ZNF804A: variants seen among roughly 807,000 people sequenced by gnomAD.
The protein encoded by ZNF804A is zinc finger protein 804A.
Under a neutral mutation model 16.5 loss-of-function variants are expected in ZNF804A, and 2 were observed. That is an observed-to-expected ratio of 0.12 (90% confidence interval 0.05 to 0.38). The LOEUF is 0.38. ZNF804A is among the 10% of genes least tolerant of loss of function. The pLI, the probability that ZNF804A is intolerant of heterozygous loss-of-function variation, is 0.99. For synonymous variants in ZNF804A, 534 were observed against 489.6 expected, an observed-to-expected ratio of 1.09 and a Z score of -1.20; for missense variants, 1,473 against 1,390.7, an observed-to-expected ratio of 1.06 and a Z score of -0.94.
rs549913629 is a variant in ZNF804A, at chr2:184,823,906, A to G, written c.112-42463A>G. On this transcript the variant is annotated intron_variant, in intron 1 of 3. Transcript: ENST00000302277. ...TTCATATAAATTGCCTTTAAATCTTATATCAAAAATACTAAAGAGCATAAC... is the reference window on the plus strand; with the variant it reads ...TTCATATAAATTGCCTTTAAATCTTGTATCAAAAATACTAAAGAGCATAAC... Among the ~76,000 whole-genome samples the G allele has an allele frequency of 7.9e-5, 12 of 152,330 alleles. 1 individual carries two copies. In the South Asian group the frequency reaches 1.7e-3, roughly 21 times the overall value.
chr2:184,705,079 A>C (rs936916719), intron 1 of ZNF804A, among the ~76,000 whole-genome samples: 1 of 152,208 alleles, frequency 6.6e-6, no homozygotes, highest in African/African-American at 2.4e-5. Context: ...CACCTGTTTG[A>C]GGTTAATCAG....
intron 2 of ZNF804A, among the ~76,000 whole-genome samples, chr2:184,897,307 A>G (rs1241447967): frequency 6.6e-6 from 1 of 152,024 alleles, no homozygotes; most frequent in Admixed American, 6.6e-5. Flanking sequence ...GTGTGTCAGG[A>G]TTCCCCAGTG....
In ZNF804A at chr2:184,936,585, G is replaced by C. The variant is rs749835146; in HGVS notation, c.1189G>C (p.Glu397Gln). ...TGAGGTTGAAAATAAAAATGGTCCCGAGACATTGGCCCCTTCAAATACTGA... is the reference window on the plus strand; with the variant it reads ...TGAGGTTGAAAATAAAAATGGTCCCCAGACATTGGCCCCTTCAAATACTGA... ...TTEVENKNGP[E>Q]TLAPSNTEEV... Residue 397 changes from glutamate (E) to glutamine (Q), a missense_variant, in exon 4 of 4, where the codon GAG becomes CAG. Glu to Gln is a conservative substitution (Grantham distance 29, BLOSUM62 2). Coordinates refer to ENST00000302277, the MANE Select transcript of ZNF804A (RefSeq NM_194250.2). 4 of 1,613,810 alleles carry C rather than the reference G, an allele frequency of 2.5e-6. No homozygotes were observed. The Admixed American group carries it at 5.0e-5, about 20-fold the overall frequency.
intron 1 of ZNF804A, among the ~76,000 whole-genome samples, chr2:184,618,467 T>C (rs1280388700): frequency 6.6e-6 from 1 of 152,132 alleles, no homozygotes; most frequent in African/African-American, 2.4e-5. Context: ...GATTATTTAA[T>C]AAAAGATATG....
At chr2:184,615,865 C>G (rs1255481373) in intron 1 of ZNF804A, among the ~76,000 whole-genome samples, 1 of 152,090 alleles carries the variant, frequency 6.6e-6, no homozygotes, top group Non-Finnish European at 1.5e-5. Context: ...GGAGTCCCAG[C>G]GAGTCTTCAG....
At chr2:184,840,242 T>A (rs1695415480) in intron 1 of ZNF804A, among the ~76,000 whole-genome samples, 1 of 152,032 alleles carries the variant, frequency 6.6e-6, no homozygotes, top group Admixed American at 6.6e-5. Flanking sequence ...ACACAAAAAT[T>A]ACCTGGACAT....
intron 1 of ZNF804A, among the ~76,000 whole-genome samples, chr2:184,708,218 T>C (rs1693062653): frequency 1.3e-5 from 2 of 152,146 alleles, no homozygotes; most frequent in African/African-American, 4.8e-5. Context: ...TTCTGTAGGT[T>C]GTCTGTTTAC....
intron 1 of ZNF804A, among the ~76,000 whole-genome samples, chr2:184,604,136 A>ACTG (rs1691096169): frequency 7.8e-6 from 1 of 129,012 alleles, no homozygotes; most frequent in Non-Finnish European, 1.6e-5. Flanking sequence ...GTTATGGATG[A>ACTG]CTGCAATTAC....
intron 2 of ZNF804A, among the ~76,000 whole-genome samples, chr2:184,876,083 C>T (rs1684668317): frequency 6.6e-6 from 1 of 152,186 alleles, no homozygotes; most frequent in Non-Finnish European, 1.5e-5. Context: ...AGATTCCTTG[C>T]TTTGCAGCAT....
chr2:184,870,932 T>C (rs1276103917), intron 2 of ZNF804A, among the ~76,000 whole-genome samples: 1 of 151,878 alleles, frequency 6.6e-6, no homozygotes, highest in Non-Finnish European at 1.5e-5. Flanking sequence ...ATGCACTCTA[T>C]AAAATTCTTC....
At chr2:184,632,478 C>T (rs1691629316) in intron 1 of ZNF804A, among the ~76,000 whole-genome samples, 1 of 152,174 alleles carries the variant, frequency 6.6e-6, no homozygotes, top group Non-Finnish European at 1.5e-5. Flanking sequence ...TTACTGCAAG[C>T]TCCGTCTCCT....
chr2:184,686,741 G>A (rs577373803), intron 1 of ZNF804A, among the ~76,000 whole-genome samples: 10 of 152,232 alleles, frequency 6.6e-5, no homozygotes, highest in South Asian at 2.1e-4. Context: ...TCATCCTGAC[G>A]TGTGAAAAGT....
chr2:184,804,956 A>G (rs1694780830), intron 1 of ZNF804A, among the ~76,000 whole-genome samples: 1 of 152,314 alleles, frequency 6.6e-6, no homozygotes, highest in Admixed American at 6.5e-5. Context: ...TCATATTTCT[A>G]TGTATACCCG....
At chr2:184,695,808 C>A (rs540945616) in intron 1 of ZNF804A, among the ~76,000 whole-genome samples, 7 of 152,056 alleles carry the variant, frequency 4.6e-5, no homozygotes, top group African/African-American at 1.7e-4. Context: ...TCATTTCTTT[C>A]TCTTTTAGGA....
chr2:184,760,114 A>G (rs1475667075), intron 1 of ZNF804A, among the ~76,000 whole-genome samples: 1 of 151,998 alleles, frequency 6.6e-6, no homozygotes, highest in Non-Finnish European at 1.5e-5. Flanking sequence ...GGAACAGGCC[A>G]TTTTCACTTC....
chr2:184,843,892 A>G (rs550808852), intron 1 of ZNF804A, among the ~76,000 whole-genome samples: 265 of 152,220 alleles, frequency 1.7e-3, no homozygotes, highest in Non-Finnish European at 3.0e-3. Flanking sequence ...TTATTGGTAT[A>G]GTTGGAGTAA....
chr2:184,813,488 G>A (rs1694930904), intron 1 of ZNF804A, among the ~76,000 whole-genome samples: 1 of 152,050 alleles, frequency 6.6e-6, no homozygotes, highest in African/African-American at 2.4e-5. Context: ...GACAAATATT[G>A]GTTGAGATTC....
intron 2 of ZNF804A, among the ~76,000 whole-genome samples, chr2:184,867,685 C>T (rs1695895395): frequency 6.6e-6 from 1 of 152,058 alleles, no homozygotes; most frequent in African/African-American, 2.4e-5. Flanking sequence ...CCTTTTCTTA[C>T]ATAAAAATAC....
In ZNF804A at chr2:184,936,319, T is replaced by C. The variant is rs1685785007; in HGVS notation, c.923T>C (p.Leu308Ser). Reference protein sequence around the residue: ...EVSSEKDALLLPSFCKFQLQL... With the variant: ...EVSSEKDALLSPSFCKFQLQL... ...TCTAGTGAAAAAGATGCATTATTATTACCTTCATTTTGCAAGTTTCAACTT... is the reference window on the plus strand; with the variant it reads ...TCTAGTGAAAAAGATGCATTATTATCACCTTCATTTTGCAAGTTTCAACTT... Residue 308 changes from leucine (L) to serine (S), a missense_variant, in exon 4 of 4, where the codon TTA becomes TCA. Physicochemically the swap from Leu to Ser is moderately radical, Grantham distance 145. Coordinates refer to ENST00000302277, the MANE Select transcript of ZNF804A (RefSeq NM_194250.2). The C allele has an allele frequency of 6.2e-7, 1 of 1,613,688 alleles. No homozygotes were observed. The highest frequency in any genetic ancestry group is 1.7e-5 in the Admixed American group (1 of 59,926).
Sources: allele counts gnomAD v4.1 joint callset (sites outside exome capture counted in the v4.1 genomes callset), GRCh38; gene constraint gnomAD v4.1.1; transcripts MANE v1.5; gene names NCBI Gene and HGNC (gene_info 2026-07-23, HGNC 2026-07-21).